The following COL28A1 variants were observed in gnomAD, a reference collection of about 807,000 sequenced individuals.
The protein encoded by COL28A1 is collagen alpha-1(XXVIII) chain.
A neutral mutation model predicts 150.2 loss-of-function variants in COL28A1; 161 were observed. That is an observed-to-expected ratio of 1.07 (90% CI 0.94 to 1.22). The LOEUF (loss-of-function observed/expected upper bound fraction) is 1.22. COL28A1 is among the 50% of genes most tolerant of loss of function. COL28A1 has a pLI of 0.00. For missense variants in COL28A1, 1,617 were observed against 1,388.3 expected, an observed-to-expected ratio of 1.16 and a Z score of -2.62; for synonymous variants, 552 against 469.7, an observed-to-expected ratio of 1.18 and a Z score of -2.26.
intron 12 of COL28A1, among the ~76,000 whole-genome samples, chr7:7,490,352 A>T (rs900611945): frequency 6.6e-6 from 1 of 152,236 alleles, no homozygotes; most frequent in Non-Finnish European, 1.5e-5. Flanking sequence ...GTATTTGGAG[A>T]CAAGTAAGTT....
chr7:7,452,241 A>C, intron 18 of COL28A1, 78 bp downstream of exon 18: 1 of 1,560,354 alleles, frequency 6.4e-7, no homozygotes, highest in South Asian at 1.2e-5. Flanking sequence ...CAGAGTCTGT[A>C]AGGCAATTGG....
intron 27 of COL28A1, among the ~76,000 whole-genome samples, chr7:7,400,986 G>A (rs1783157327): frequency 7.1e-6 from 1 of 140,454 alleles, no homozygotes; most frequent in African/African-American, 2.8e-5. Flanking sequence ...GTGTGTGTGT[G>A]TGTGTGTGTG....
intron 27 of COL28A1, among the ~76,000 whole-genome samples, chr7:7,410,429 T>G (rs550975739): frequency 1.4e-4 from 22 of 152,274 alleles, no homozygotes; most frequent in Admixed American, 7.9e-4. Context: ...TGGTCTCGAC[T>G]CCTCCTTTTT....
chr7:7,410,423 C>T (rs571459639), intron 27 of COL28A1, among the ~76,000 whole-genome samples: 1 of 152,264 alleles, frequency 6.6e-6, no homozygotes, highest in East Asian at 1.9e-4. Flanking sequence ...CTCATGTGGT[C>T]TCGACTCCTC....
At chr7:7,362,306 A>T (rs191614352) in intron 33 of COL28A1, among the ~76,000 whole-genome samples, 2 of 152,066 alleles carry the variant, frequency 1.3e-5, no homozygotes, top group African/African-American at 4.8e-5. Context: ...TCAGTCATTC[A>T]CCTGAGTCCT....
At chr7:7,427,739 T>G (rs1784726793) in intron 25 of COL28A1, among the ~76,000 whole-genome samples, 3 of 152,238 alleles carry the variant, frequency 2.0e-5, no homozygotes, top group Admixed American at 6.5e-5. Context: ...TGAAAAATAT[T>G]TAACTCTTTT....
At chr7:7,429,425 CTCACATACACACACACTCTCTT>C (rs144396021) in intron 25 of COL28A1, among the ~76,000 whole-genome samples, 13,069 of 137,434 alleles carry the variant, frequency 0.095, 717 homozygotes, top group Middle Eastern at 0.21. Flanking sequence ...CTCTCTCTCT[CTCACATACACACACACTCTCTT>C]TCTCTCTGTG....
chr7:7,364,788 C>T (rs2128280129), intron 33 of COL28A1, among the ~76,000 whole-genome samples: 1 of 152,252 alleles, frequency 6.6e-6, no homozygotes, highest in East Asian at 1.9e-4. Context: ...TACCACTTCC[C>T]TGATAAAAGA....
intron 21 of COL28A1, among the ~76,000 whole-genome samples, chr7:7,439,396 G>A (rs1163720322): frequency 6.6e-6 from 1 of 152,128 alleles, no homozygotes; most frequent in East Asian, 1.9e-4. Flanking sequence ...CAAAGGAACA[G>A]AACATGAACC....
rs569763466 is a variant in COL28A1 at position 7,515,235 on chromosome 7, T to G, written c.882+579A>C. ...GTTCCTGAGCCCCAGTATGACTTGT[T>G]AATCCCTTTTAAAGCAGTTTGGTAT... is the stretch of plus-strand genomic sequence containing the variant. On this transcript the variant is annotated intron_variant, in intron 8 of 34. Transcript: ENST00000399429. Among the ~76,000 whole-genome samples, 7 of 152,318 alleles carry G rather than the reference T, an allele frequency of 4.6e-5. No individual in the cohort carries two copies. In the South Asian group the frequency reaches 1.5e-3, roughly 32 times the overall value.
intron 22 of COL28A1, 71 bp from the exon 23 acceptor site, chr7:7,436,534 A>C (rs1785357453): frequency 1.2e-6 from 1 of 846,548 alleles, no homozygotes; most frequent in Admixed American, 1.7e-5. Context: ...AGCAAAAAAA[A>C]CCATTGGCCA....
At position 7,473,866 on chromosome 7, in the gene COL28A1, G is replaced by A. The variant is rs186920765; in HGVS notation, c.1302+735C>T. 2.7e-5 allele frequency among the ~76,000 whole-genome samples: 4 copies of A among 149,794 alleles called. No individual in the cohort carries two copies. In the East Asian group the frequency reaches 8.1e-4, roughly 30 times the overall value. ...GTGTGTGTTTGTTTATATATATAGT[G>A]TGTGTTTATATATAGTGTGTGTTTG... On this transcript the variant is annotated intron_variant, in intron 15 of 34. Coordinates refer to ENST00000399429, the MANE Select transcript of COL28A1 (RefSeq NM_001037763.3).
chr7:7,432,420 T>C, intron 25 of COL28A1, 53 bp downstream of exon 25: 1 of 1,462,936 alleles, frequency 6.8e-7, no homozygotes, highest in Non-Finnish European at 9.5e-7. Context: ...CAAAGTCACC[T>C]ACCTATAGGT....
the COL28A1 span, among the ~76,000 whole-genome samples, chr7:7,344,659 A>T: frequency 6.6e-6 from 1 of 152,164 alleles, no homozygotes; most frequent in Admixed American, 6.6e-5. Flanking sequence ...AAGTAAGAGA[A>T]TTTTTTTCTA....
At chr7:7,506,225 A>T (rs1406069943) in intron 10 of COL28A1, among the ~76,000 whole-genome samples, 158 bp from the exon 11 acceptor site, 1 of 152,232 alleles carries the variant, frequency 6.6e-6, no homozygotes, top group Non-Finnish European at 1.5e-5. Flanking sequence ...GGATGAGATA[A>T]AATTTCTTGT....
chr7:7,431,735 A>G (rs1460903553), intron 25 of COL28A1: 3 of 403,054 alleles, frequency 7.4e-6, no homozygotes, highest in Non-Finnish European at 1.6e-5. Context: ...CTGCTAAGTT[A>G]TAGGAGGACA....
At chr7:7,543,187 G>C in the COL28A1 span, among the ~76,000 whole-genome samples, 26 of 152,148 alleles carry the variant, frequency 1.7e-4, 1 homozygote, top group South Asian at 5.0e-3. Context: ...TATATCTTTA[G>C]CCAATCTATG....
chr7:7,536,280 A>T (rs1429486250), upstream of COL28A1, among the ~76,000 whole-genome samples: 1 of 152,068 alleles, frequency 6.6e-6, no homozygotes, highest in African/African-American at 2.4e-5. Flanking sequence ...ATAGGTGTGC[A>T]TTGTTCTAGT....
At chr7:7,477,730 A>C (rs750175454) in intron 13 of COL28A1, among the ~76,000 whole-genome samples, 2 of 152,180 alleles carry the variant, frequency 1.3e-5, no homozygotes, top group African/African-American at 4.8e-5. Context: ...CAGCAGTAAG[A>C]TATACAGCAA....
Sources: allele counts gnomAD v4.1 joint callset (sites outside exome capture counted in the v4.1 genomes callset), GRCh38; gene constraint gnomAD v4.1.1; transcripts MANE v1.5; gene names NCBI Gene and HGNC (gene_info 2026-07-23, HGNC 2026-07-21).